Variants in JCAD observed in about 807,000 individuals in gnomAD.
JCAD encodes junctional cadherin 5 associated, also known as junctional cadherin 5-associated protein.
JCAD carries 40 observed loss-of-function variants against 98.0 expected under a neutral mutation model. The observed-to-expected ratio is 0.41, with a 90% CI of 0.32 to 0.53. The LOEUF is 0.53. Among genes scored for constraint, JCAD ranks in the 20% least tolerant of loss-of-function variants. The pLI is 0.31. For synonymous variants in JCAD, 691 were observed against 682.3 expected (o/e 1.01, Z -0.20); for missense variants, 1,705 against 1,738.1 (o/e 0.98, Z 0.34).
At chr10:30,038,025 C>T (rs773319023) in intron 2 of JCAD, among the ~76,000 whole-genome samples, 54 of 151,370 alleles carry the variant, frequency 3.6e-4, no homozygotes, top group Non-Finnish European at 6.0e-4. Flanking sequence ...TAAACTCTGA[C>T]GGCTAGAAAT....
Position 30,027,570 on chromosome 10 carries a change from C to CACTGCTGCT in JCAD, c.2569_2577dup (p.Ser857_Ser859dup). 3 of 1,613,462 alleles carry CACTGCTGCT rather than the reference C, an allele frequency of 1.9e-6. No individual in the cohort carries two copies. Among genetic ancestry groups the CACTGCTGCT allele is most frequent in the Admixed American group, 3.3e-5 (2 of 59,976 alleles). ...TGCTGCGGCTCCGCCTCACTCTCCT[C>CACTGCTGCT]ACTGCTGCTGCTGCTGCTGCTGCTG... On this transcript the variant is annotated inframe_insertion, in exon 3 of 4. Coordinates refer to ENST00000375377, the MANE Select transcript of JCAD (RefSeq NM_020848.4).
intron 1 of JCAD, among the ~76,000 whole-genome samples, chr10:30,106,006 C>T (rs932100885): frequency 2.6e-5 from 4 of 152,196 alleles, no homozygotes; most frequent in Admixed American, 6.5e-5. Flanking sequence ...GGAAGGAACA[C>T]AGCACTCCCT....
intron 2 of JCAD, among the ~76,000 whole-genome samples, chr10:30,065,746 CCA>C (rs1837773952): frequency 6.6e-6 from 1 of 152,170 alleles, no homozygotes; most frequent in African/African-American, 2.4e-5. Flanking sequence ...AGCAAAGTTC[CCA>C]CCTTGGCCTC....
In JCAD at chr10:30,052,007, T is replaced by C. The variant is rs571644479; in HGVS notation, c.-59-4136A>G. Among the ~76,000 whole-genome samples the C allele has an allele frequency of 1.3e-4, 20 of 152,330 alleles. 3 individuals carry two copies. In the South Asian group the frequency reaches 4.1e-3, roughly 32 times the overall value. Reference sequence around the variant, plus strand: ...TCATCAAATGGATTCTCATCAAAGATTAATGATTTGTCCTTCCAAAGAACC... The same window carrying C: ...TCATCAAATGGATTCTCATCAAAGACTAATGATTTGTCCTTCCAAAGAACC... On this transcript the variant is annotated intron_variant, in intron 1 of 3. Coordinates refer to ENST00000375377, the MANE Select transcript of JCAD (RefSeq NM_020848.4).
chr10:30,062,088 G>T (rs1307841224), upstream of JCAD, among the ~76,000 whole-genome samples: 1 of 152,208 alleles, frequency 6.6e-6, no homozygotes, highest in Non-Finnish European at 1.5e-5. Context: ...GAGTAGGGTT[G>T]CAGTAAATCA....
intron 1 of JCAD, among the ~76,000 whole-genome samples, chr10:30,051,276 ACACG>A (rs1213387445): frequency 3.5e-5 from 4 of 113,116 alleles, no homozygotes; most frequent in African/African-American, 6.9e-5. Context: ...ACGCACGCAC[ACACG>A]CACGCACACA....
rs1476272606 is a variant in JCAD, at chr10:30,083,827, G to A, written n.129-14006C>T. On this transcript the variant is annotated intron_variant and non_coding_transcript_variant, in intron 1 of 2. Coordinates refer to the JCAD transcript ENST00000465712. ...AGATCACTTGAGCCCATGAGTTGCA[G>A]ATCAGCCTGGGCAACATAGTGAGAC... Among the ~76,000 whole-genome samples the A allele has an allele frequency of 2.0e-5, 3 of 152,090 alleles. No individual in the cohort carries two copies. The East Asian group carries it at 5.8e-4, about 29-fold the overall frequency.
chr10:30,055,888 C>T (rs1837562241), intron 1 of JCAD, among the ~76,000 whole-genome samples: 1 of 152,128 alleles, frequency 6.6e-6, no homozygotes, highest in African/African-American at 2.4e-5. Context: ...TAAGTATTAT[C>T]CCTTCTGACT....
intron 2 of JCAD, among the ~76,000 whole-genome samples, chr10:30,035,066 G>C (rs1837082036): frequency 6.6e-6 from 1 of 152,118 alleles, no homozygotes; most frequent in African/African-American, 2.4e-5. Flanking sequence ...TTGATATTCG[G>C]GTTTCACAGT....
chr10:30,045,996 G>A (rs1183699645), intron 2 of JCAD, among the ~76,000 whole-genome samples: 1 of 152,220 alleles, frequency 6.6e-6, no homozygotes, highest in Non-Finnish European at 1.5e-5. Context: ...CTGCAAGGGT[G>A]ACCTCGAACC....
chr10:30,109,678 G>A (rs1838652963), intron 1 of JCAD, among the ~76,000 whole-genome samples: 1 of 152,176 alleles, frequency 6.6e-6, no homozygotes. Flanking sequence ...GATGGTGGAA[G>A]GATACTATGA....
Position 30,028,856 on chromosome 10 carries a change from A to G in JCAD, c.1292T>C (p.Leu431Ser). Residue 431 changes from leucine to serine, a missense_variant, in exon 3 of 4, where the codon TTA becomes TCA. Physicochemically the swap from Leu to Ser is moderately radical, Grantham distance 145 (BLOSUM62 -2). This residue lies in a region of JCAD where 1,278 missense variants were observed against 1,243.1 expected (regional missense o/e 1.03). Transcript: ENST00000375377. Reference sequence around the variant, plus strand: ...GGGCTGAGCTAGTTTAAAATGTCGTAACCGTGGATCATCAAAGGGAATGTA... The same window carrying G: ...GGGCTGAGCTAGTTTAAAATGTCGTGACCGTGGATCATCAAAGGGAATGTA... ...VQYIPFDDPR[L>S]RHFKLAQPQG... 6.2e-7 allele frequency: 1 copy of G among 1,614,224 alleles called. No homozygotes were observed. The highest frequency in any genetic ancestry group is 1.1e-5 in the South Asian group (1 of 91,084).
At chr10:30,097,160 G>T (rs766617832) in intron 1 of JCAD, among the ~76,000 whole-genome samples, 7 of 152,204 alleles carry the variant, frequency 4.6e-5, no homozygotes, top group Non-Finnish European at 1.0e-4. Context: ...TGTCTAATAT[G>T]GTGGGCACTG....
intron 1 of JCAD, among the ~76,000 whole-genome samples, chr10:30,079,013 T>C (rs1838028490): frequency 6.6e-6 from 1 of 152,144 alleles, no homozygotes; most frequent in Non-Finnish European, 1.5e-5. Context: ...GTGCTCAGAC[T>C]TTAGTGAGAC....
intron 1 of JCAD, among the ~76,000 whole-genome samples, chr10:30,103,604 A>G (rs976776617): frequency 7.6e-5 from 10 of 131,886 alleles, no homozygotes; most frequent in African/African-American, 3.1e-4. Context: ...CTGTATATTT[A>G]TGTATAAATA....
chr10:30,112,534 A>C (rs1375270668), intron 1 of JCAD, among the ~76,000 whole-genome samples: 1 of 152,172 alleles, frequency 6.6e-6, no homozygotes, highest in East Asian at 1.9e-4. Context: ...GCTAAGTGAA[A>C]TAAGCCAGAC....
At chr10:30,094,057 GA>G (rs1297473778) in intron 1 of JCAD, among the ~76,000 whole-genome samples, 1 of 152,200 alleles carries the variant, frequency 6.6e-6, no homozygotes, top group Non-Finnish European at 1.5e-5. Flanking sequence ...GGAAGGAAAA[GA>G]GTGTGATTCT....
At chr10:30,077,589 A>G (rs1475160101) in intron 1 of JCAD, among the ~76,000 whole-genome samples, 1 of 152,168 alleles carries the variant, frequency 6.6e-6, no homozygotes, top group African/African-American at 2.4e-5. Flanking sequence ...ATAACTCCCC[A>G]TTCCCTTCAG....
At chr10:30,080,561 G>A (rs532773637) in intron 1 of JCAD, among the ~76,000 whole-genome samples, 1 of 152,144 alleles carries the variant, frequency 6.6e-6, no homozygotes, top group Non-Finnish European at 1.5e-5. Flanking sequence ...TTTCTCCATT[G>A]ACAAACCTAT....
Sources: allele counts gnomAD v4.1 joint callset (sites outside exome capture counted in the v4.1 genomes callset), GRCh38; gene constraint gnomAD v4.1.1; regional missense constraint gnomAD v4.1.1; transcripts MANE v1.5; gene names NCBI Gene and HGNC (gene_info 2026-07-23, HGNC 2026-07-21).